The following ANKRD26 variants were observed in gnomAD, a reference collection of about 807,000 sequenced individuals.
The protein encoded by ANKRD26 is ankyrin repeat domain-containing protein 26.
ANKRD26 carries 141 observed loss-of-function variants against 208.7 expected under a neutral mutation model. The ratio of observed to expected loss-of-function variants is 0.68; its 90% CI spans 0.59 to 0.78. The LOEUF (loss-of-function observed/expected upper bound fraction) is 0.78. Among genes scored for constraint, ANKRD26 ranks in the 30% least tolerant of loss-of-function variants. The pLI, the probability that ANKRD26 is intolerant of heterozygous loss-of-function variation, is 0.00. For missense variants in ANKRD26, 1,889 were observed against 1,938.7 expected, an observed-to-expected ratio of 0.97 and a Z score of 0.48; for synonymous variants, 636 against 660.4, an observed-to-expected ratio of 0.96 and a Z score of 0.57.
At position 27,100,162 on chromosome 10, in the gene ANKRD26, G is replaced by C; in HGVS notation, c.165C>G (p.Ser55Arg). 1 of 1,614,116 alleles carries C rather than the reference G, an allele frequency of 6.2e-7. No individual in the cohort carries two copies. Among genetic ancestry groups the C allele is most frequent in the Non-Finnish European group, 8.5e-7 (1 of 1,179,992 alleles). The change falls in exon 1 of 34, where the codon AGC becomes AGG. Residue 55 changes from serine to arginine, a missense_variant. This residue lies in a region of ANKRD26 where 1,272 missense variants were observed against 1,273.8 expected (regional missense o/e 1.00). Coordinates refer to ENST00000376087, the MANE Select transcript of ANKRD26 (RefSeq NM_014915.3). ...RDLGKIHKAA[S>R]AGNVAKVQQI... ...GCTGCACTTTCGCCACATTACCCGC[G>C]CTGGCAGCTTTGTGGATCTTGCCGA...
chr10:27,045,388 C>A (rs935551784), intron 18 of ANKRD26, among the ~76,000 whole-genome samples: 1 of 149,888 alleles, frequency 6.7e-6, no homozygotes, highest in Non-Finnish European at 1.5e-5. Flanking sequence ...CACGTCACTG[C>A]ACTCCAGTCT....
At chr10:27,086,830 G>C (rs889214729) in intron 4 of ANKRD26, among the ~76,000 whole-genome samples, 1 of 139,510 alleles carries the variant, frequency 7.2e-6, no homozygotes, top group Non-Finnish European at 1.5e-5. Context: ...GGAGTACAGT[G>C]GTATGATATT....
chr10:27,060,420 G>C lies in ANKRD26; in HGVS notation c.1492-3C>G, dbSNP rs1564400928. 1 of 1,610,818 alleles carries C rather than the reference G, an allele frequency of 6.2e-7. No individual in the cohort carries two copies. The highest frequency in any genetic ancestry group is 8.5e-7 in the Non-Finnish European group (1 of 1,177,258). On this transcript the variant is annotated splice_polypyrimidine_tract_variant and splice_region_variant and intron_variant, in intron 14 of 33. Transcript: ENST00000376087. The stretch of plus-strand genomic sequence containing the variant: ...GAATCTTTCATTTCAATGGTAGGCT[G>C]AATGGGTTTTGAAACAAAATGATTA...
At chr10:27,059,069 C>T (rs961058801) in intron 15 of ANKRD26, among the ~76,000 whole-genome samples, 2 of 151,986 alleles carry the variant, frequency 1.3e-5, no homozygotes, top group South Asian at 4.2e-4. Context: ...AGCCTGCCAC[C>T]ACGCCTGGCT....
In ANKRD26 at chr10:27,100,419, C is replaced by T. The variant is rs2056613765; in HGVS notation, c.-93G>A. 2 of 1,551,508 alleles carry T rather than the reference C, an allele frequency of 1.3e-6. No homozygotes were observed. The highest frequency in any genetic ancestry group is 1.4e-5 in the African/African-American group (1 of 73,100). On this transcript the variant is annotated 5_prime_UTR_variant, in exon 1 of 34. Transcript: ENST00000376087. ...ACATAACAAGTCAGCCCCGGCTGGC[C>T]GCAGCCTCCCAAAGGAAACTCCGCG...
rs755611302 is a variant in ANKRD26 at position 27,093,343 on chromosome 10, C to T, written c.531+6G>A. 2.5e-6 allele frequency: 4 copies of T among 1,612,834 alleles called. No homozygotes were observed. The highest frequency in any genetic ancestry group is 4.5e-5 in the East Asian group (2 of 44,872). ...TACTGTAAAAATAAAGTTGGTTGATCTATACCTTGTTTTTTGCTTCAATAT... is the reference window on the plus strand; with the variant it reads ...TACTGTAAAAATAAAGTTGGTTGATTTATACCTTGTTTTTTGCTTCAATAT... On this transcript the variant is annotated splice_donor_region_variant and intron_variant, in intron 3 of 33. Transcript: ENST00000376087.
intron 25 of ANKRD26, 117 bp from the exon 26 acceptor site, chr10:27,029,473 T>G: frequency 2.1e-5 from 19 of 920,596 alleles, no homozygotes; most frequent in Non-Finnish European, 2.7e-5. Flanking sequence ...AATATGCATA[T>G]TGTTTATGGC....
At chr10:27,030,560 T>C (rs1409805333) in intron 25 of ANKRD26, 1 of 985,274 alleles carries the variant, frequency 1.0e-6, no homozygotes, top group African/African-American at 1.7e-5. Context: ...TGGAGCTCTT[T>C]GGGTGGGAAA....
At chr10:27,036,359 G>T (rs965186056) in intron 23 of ANKRD26, among the ~76,000 whole-genome samples, 5 of 150,630 alleles carry the variant, frequency 3.3e-5, no homozygotes, top group African/African-American at 1.2e-4. Flanking sequence ...AAAAAAAAAA[G>T]CAGCTGTATG....
chr10:27,000,924 C>A (rs138128668), downstream of ANKRD26, among the ~76,000 whole-genome samples: 1 of 152,144 alleles, frequency 6.6e-6, no homozygotes, highest in Non-Finnish European at 1.5e-5. Context: ...AGGAGGATGG[C>A]GTGAACCCAG....
At chr10:27,046,285 T>C in intron 18 of ANKRD26, 68 bp downstream of exon 18, 2 of 1,479,634 alleles carry the variant, frequency 1.4e-6, no homozygotes, top group East Asian at 4.6e-5. Context: ...GACTACATCA[T>C]TCTATTTTCA....
chr10:27,017,827 G>C, intron 29 of ANKRD26, 35 bp from the exon 30 acceptor site: 1 of 1,585,330 alleles, frequency 6.3e-7, no homozygotes, highest in Non-Finnish European at 8.6e-7. Flanking sequence ...TAATAATGAA[G>C]GAAGTAGCCT....
the ANKRD26 span, among the ~76,000 whole-genome samples, chr10:26,948,690 C>T: frequency 6.6e-6 from 1 of 152,156 alleles, no homozygotes; most frequent in Non-Finnish European, 1.5e-5. Context: ...GTTACAAGAT[C>T]TTATGACAGT....
intron 5 of ANKRD26, among the ~76,000 whole-genome samples, chr10:27,083,346 T>A (rs865863282): frequency 4.1e-4 from 62 of 151,934 alleles, no homozygotes; most frequent in African/African-American, 1.5e-3. Flanking sequence ...CATGCACTCT[T>A]AATGTTATTT....
intron 1 of ANKRD26, among the ~76,000 whole-genome samples, chr10:27,099,536 T>C (rs1471881983): frequency 7.2e-6 from 1 of 139,572 alleles, no homozygotes; most frequent in Admixed American, 7.1e-5. Flanking sequence ...TGCCTCAGCC[T>C]TCCAAGTAGC....
At position 27,005,676 on chromosome 10, in the gene ANKRD26, T is replaced by C. The variant is rs2052848644; in HGVS notation, c.5047A>G (p.Thr1683Ala). Residue 1683 changes from threonine (T) to alanine (A), a missense_variant, in exon 34 of 34, where the codon ACT (threonine) becomes GCT (alanine). Thr to Ala is a moderately conservative substitution (Grantham distance 58). This residue lies in a region of ANKRD26 where 613 missense variants were observed against 648.2 expected (regional missense o/e 0.95). Transcript: ENST00000376087. ...TCTTGATTTAGATTTGACTCATCAG[T>C]AGACCCTAGAGGGGAAGCTATTGAT... is the stretch of plus-strand genomic sequence containing the variant. ...SGSIASPLGS[T>A]DESNLNQDLV... 6.2e-7 allele frequency: 1 copy of C among 1,612,910 alleles called. No individual in the cohort carries two copies. The highest frequency in any genetic ancestry group is 8.5e-7 in the Non-Finnish European group (1 of 1,179,426).
At chr10:27,060,036 C>T (rs567965408) in intron 15 of ANKRD26, among the ~76,000 whole-genome samples, 2 of 152,134 alleles carry the variant, frequency 1.3e-5, no homozygotes, top group South Asian at 4.2e-4. Context: ...CCCATCTCTA[C>T]TTAAAATACA....
In ANKRD26 at chr10:26,997,270, C is replaced by T. The variant is rs76420346; in HGVS notation, c.563-2123G>A. ...AGTTTTTCTAGATACACCCATGATG[C>T]TAATCCTTTCATTACTCTGAGAAAT... On this transcript the variant is annotated intron_variant, in intron 4 of 5. Coordinates refer to the ANKRD26 transcript ENST00000445828. Among the ~76,000 whole-genome samples the T allele has an allele frequency of 5.1e-3, 782 of 152,250 alleles. 5 individuals carry two copies. Among genetic ancestry groups the T allele is most frequent in the African/African-American group, 0.018 (736 of 41,536 alleles).
At chr10:26,965,528 C>G in the ANKRD26 span, among the ~76,000 whole-genome samples, 10 of 152,082 alleles carry the variant, frequency 6.6e-5, no homozygotes, top group African/African-American at 2.2e-4. Flanking sequence ...CCATGGAAAC[C>G]CTAGAAGAAA....
Sources: allele counts gnomAD v4.1 joint callset (sites outside exome capture counted in the v4.1 genomes callset), GRCh38; gene constraint gnomAD v4.1.1; regional missense constraint gnomAD v4.1.1; transcripts MANE v1.5; gene names NCBI Gene and HGNC (gene_info 2026-07-23, HGNC 2026-07-21).